Variants in CLEC2D observed in about 807,000 individuals in gnomAD.
CLEC2D encodes the protein C-type lectin domain family 2 member D, also known as C-type lectin related f.
Under a neutral mutation model 20.0 loss-of-function variants are expected in CLEC2D, and 16 were observed. That is an observed-to-expected ratio of 0.80 (90% CI 0.54 to 1.22). CLEC2D has a LOEUF of 1.22. Among genes scored for constraint, CLEC2D ranks in the 50% most tolerant of loss-of-function variants. The probability of loss-of-function intolerance (pLI) is 0.00; values close to 1 mark genes in which losing one functional copy is unlikely to be tolerated. For missense variants in CLEC2D, 207 were observed against 221.5 expected (o/e 0.93, Z 0.42); for synonymous variants, 77 against 71.1 (o/e 1.08, Z -0.42).
chr12:9,693,872 C>T (rs766355194), intron 4 of CLEC2D: 43 of 425,156 alleles, frequency 1.0e-4, no homozygotes, highest in African/African-American at 8.6e-4. Flanking sequence ...GTAGTACCAT[C>T]GTGGCTCACT....
rs1865984044 is a variant in CLEC2D at position 9,695,986 on chromosome 12, TC to T, written c.*1113del. 3 of 1,556,952 alleles carry T rather than the reference TC, an allele frequency of 1.9e-6. No individual in the cohort carries two copies. The highest frequency in any genetic ancestry group is 2.6e-6 in the Non-Finnish European group (3 of 1,144,740). On this transcript the variant is annotated 3_prime_UTR_variant, in exon 5 of 5. Coordinates refer to ENST00000290855, the MANE Select transcript of CLEC2D (RefSeq NM_013269.6). ...AAAGTCAAATCAGAATGGAAAAGAC[TC>T]AAAACCATCATCAACACCAAGATCA...
intron 3 of CLEC2D, among the ~76,000 whole-genome samples, chr12:9,689,973 A>C (rs1865830676): frequency 6.6e-6 from 1 of 152,104 alleles, no homozygotes; most frequent in Admixed American, 6.5e-5. Context: ...AAAACTTTCC[A>C]AAATCTGAGG....
At chr12:9,685,902 GA>G (rs1238124520) in intron 2 of CLEC2D, among the ~76,000 whole-genome samples, 3 of 152,062 alleles carry the variant, frequency 2.0e-5, no homozygotes, top group Non-Finnish European at 2.9e-5. Flanking sequence ...ACTGGGGTAT[GA>G]AAAAAACTCC....
At chr12:9,690,618 T>G (rs961767285) in intron 3 of CLEC2D, among the ~76,000 whole-genome samples, 5 of 151,888 alleles carry the variant, frequency 3.3e-5, no homozygotes, top group African/African-American at 1.2e-4. Context: ...GACAGTCTTA[T>G]GAAGCAGGGA....
chr12:9,686,408 G>T (rs1159797743), intron 2 of CLEC2D, among the ~76,000 whole-genome samples: 1 of 151,816 alleles, frequency 6.6e-6, no homozygotes, highest in Non-Finnish European at 1.5e-5. Context: ...TTATGGTCTG[G>T]TTCAAGAAAT....
intron 3 of CLEC2D, among the ~76,000 whole-genome samples, chr12:9,691,499 T>C (rs1237580737): frequency 6.7e-6 from 1 of 149,892 alleles, no homozygotes; most frequent in African/African-American, 2.4e-5. Context: ...TCTTAAACCA[T>C]ATGTTAGGCC....
intron 3 of CLEC2D, chr12:9,688,287 G>T (rs749820832): frequency 9.6e-7 from 1 of 1,042,522 alleles, no homozygotes; most frequent in African/African-American, 1.7e-5. Flanking sequence ...AATATTCGTG[G>T]CAGGAACAGG....
chr12:9,690,108 C>T (rs1173966276), intron 3 of CLEC2D, among the ~76,000 whole-genome samples: 1 of 151,820 alleles, frequency 6.6e-6, no homozygotes, highest in Non-Finnish European at 1.5e-5. Context: ...TGAAAGCAGC[C>T]AGAATGAAGC....
chr12:9,688,174 A>G, intron 3 of CLEC2D, 88 bp downstream of exon 3: 2 of 1,231,782 alleles, frequency 1.6e-6, no homozygotes, highest in Non-Finnish European at 2.1e-6. Context: ...AGGTTTAGAC[A>G]TCTGCTTTTA....
At position 9,697,982 on chromosome 12, in the gene CLEC2D, T is replaced by C. The variant is rs769944809; in HGVS notation, c.*3108T>C. On this transcript the variant is annotated 3_prime_UTR_variant, in exon 5 of 5. Coordinates refer to ENST00000290855, the MANE Select transcript of CLEC2D (RefSeq NM_013269.6). ...GCTTATGTTAATTAGATTAAGTGTA[T>C]GTACATAAAAACATCACATTATACA... The C allele has an allele frequency of 4.6e-5, 7 of 152,336 alleles. No homozygotes were observed. The South Asian group carries it at 1.4e-3, about 32-fold the overall frequency. 9.4% of individuals were successfully genotyped at this position (152,336 alleles called of 1,614,324 possible).
chr12:9,691,891 GT>G (rs1422581951), intron 3 of CLEC2D, among the ~76,000 whole-genome samples: 2 of 152,106 alleles, frequency 1.3e-5, no homozygotes, highest in Non-Finnish European at 2.9e-5. Flanking sequence ...ATTTGAAAGA[GT>G]AAAAGATTTA....
In CLEC2D at chr12:9,698,059, T is replaced by C. The variant is rs1388506659; in HGVS notation, c.*3185T>C. The C allele has an allele frequency of 2.0e-5, 3 of 152,230 alleles. No homozygotes were observed. The highest frequency in any genetic ancestry group is 4.4e-5 in the Non-Finnish European group (3 of 68,044). 9.4% of individuals were successfully genotyped at this position (152,230 alleles called of 1,614,324 possible). ...CATTGGGAGATACATGATAAATTTCTATCTGCAGTTGCTATTTGCATTTTT... is the reference window on the plus strand; with the variant it reads ...CATTGGGAGATACATGATAAATTTCCATCTGCAGTTGCTATTTGCATTTTT... On this transcript the variant is annotated 3_prime_UTR_variant, in exon 5 of 5. Transcript: ENST00000290855.
At chr12:9,678,147 T>G (rs1865562458) in intron 1 of CLEC2D, among the ~76,000 whole-genome samples, 1 of 152,202 alleles carries the variant, frequency 6.6e-6, no homozygotes, top group Admixed American at 6.5e-5. Flanking sequence ...GTTAGGTGCG[T>G]GCACATTTAG....
intron 1 of CLEC2D, among the ~76,000 whole-genome samples, chr12:9,672,644 C>T (rs1591686797): frequency 6.6e-6 from 1 of 152,100 alleles, no homozygotes; most frequent in East Asian, 1.9e-4. Flanking sequence ...TGGATTATAT[C>T]CTGAAGTGTG....
chr12:9,687,747 A>G (rs150904697), intron 2 of CLEC2D, among the ~76,000 whole-genome samples, 155 bp from the exon 3 acceptor site: 27 of 152,344 alleles, frequency 1.8e-4, no homozygotes, highest in Admixed American at 9.8e-4. Context: ...AATGTATGCA[A>G]TTATATTTAG....
In CLEC2D at chr12:9,696,051, TA is replaced by T; in HGVS notation, c.*1181del. 1 of 1,286,882 alleles carries T rather than the reference TA, an allele frequency of 7.8e-7. No individual in the cohort carries two copies. The highest frequency in any genetic ancestry group is 1.1e-6 in the Non-Finnish European group (1 of 896,996). 79.7% of individuals were successfully genotyped at this position (1,286,882 alleles called of 1,614,324 possible). A position where few individuals can be genotyped will look rare whatever the true frequency, so the allele number is the denominator to read the frequency against. ...CCTTCAAAAAACAGGAAAAATCTCC[TA>T]AAACACCAAAAGGATCTAGTTCTGT... On this transcript the variant is annotated 3_prime_UTR_variant, in exon 5 of 5. Coordinates refer to ENST00000290855, the MANE Select transcript of CLEC2D (RefSeq NM_013269.6).
chr12:9,688,189 GATT>G, intron 3 of CLEC2D, 103 bp downstream of exon 3: 4 of 825,544 alleles, frequency 4.8e-6, no homozygotes, highest in South Asian at 9.1e-5. Context: ...CTTTTACATT[GATT>G]TTTTTTTTTT....
Position 9,698,003 on chromosome 12 carries a change from A to T in CLEC2D, c.*3129A>T, listed in dbSNP as rs1377353753. ...TGTATGTACATAAAAACATCACATT[A>T]TACACATCAAATATATACAATAAAA... is the stretch of plus-strand genomic sequence containing the variant. On this transcript the variant is annotated 3_prime_UTR_variant, in exon 5 of 5. Transcript: ENST00000290855. 6.6e-6 allele frequency: 1 copy of T among 152,234 alleles called. No homozygotes were observed. Among genetic ancestry groups the T allele is most frequent in the Non-Finnish European group, 1.5e-5 (1 of 68,042 alleles). The allele number at this position is 152,234 out of a possible 1,614,324, so 9.4% of individuals were successfully genotyped here. A position where few individuals can be genotyped will look rare whatever the true frequency, so the allele number is the denominator to read the frequency against.
chr12:9,677,793 C>A (rs773825530), intron 1 of CLEC2D, among the ~76,000 whole-genome samples: 2 of 149,612 alleles, frequency 1.3e-5, no homozygotes. Context: ...AATGCAATCT[C>A]ATCTCATTTC....
Sources: gnomAD v4.1 joint callset for allele counts (sites outside exome capture counted in the v4.1 genomes callset) on GRCh38, gnomAD v4.1.1 for gene constraint, MANE v1.5 for transcripts, NCBI Gene and HGNC (gene_info 2026-07-23, HGNC 2026-07-21) for gene names.